Variants in ARHGEF7 observed in about 807,000 individuals in gnomAD.
ARHGEF7 encodes Rho guanine nucleotide exchange factor 7.
Under a neutral mutation model 109.8 loss-of-function variants are expected in ARHGEF7, and 33 were observed. That is an observed-to-expected ratio of 0.30 (90% confidence interval 0.23 to 0.40). The LOEUF is 0.40. Ranked by LOEUF, ARHGEF7 falls within the 10% of genes least tolerant of loss-of-function variation. ARHGEF7 has a pLI of 1.00. For synonymous variants in ARHGEF7, 458 were observed against 424.6 expected (o/e 1.08, Z -0.97); for missense variants, 938 against 1,098.5 (o/e 0.85, Z 2.07).
intron 1 of ARHGEF7, among the ~76,000 whole-genome samples, chr13:111,119,632 G>C (rs1051405770): frequency 4.6e-5 from 7 of 152,178 alleles, no homozygotes; most frequent in Non-Finnish European, 5.9e-5. Context: ...TAAGAATATG[G>C]TTTGCATTTC....
At chr13:111,168,242 G>A (rs560390568) in intron 2 of ARHGEF7, among the ~76,000 whole-genome samples, 2 of 144,932 alleles carry the variant, frequency 1.4e-5, no homozygotes, top group South Asian at 2.1e-4. Context: ...CCGCTCTCCC[G>A]CTTGGTCTCA....
chr13:111,293,245 C>G, intron 19 of ARHGEF7: 3 of 985,308 alleles, frequency 3.0e-6, no homozygotes, highest in Non-Finnish European at 3.6e-6. Flanking sequence ...CTTCAGTTCC[C>G]CCGGCTCCCC....
In ARHGEF7 at chr13:111,192,540, TGAG is replaced by T. The variant is rs1247226271; in HGVS notation, c.253-12745_253-12743del. ...TTCATATGGACTGAGCCCCATTTTG[TGAG>T]GAGAATTTTGGATTCTCAACAAGGC... On this transcript the variant is annotated intron_variant, in intron 2 of 21. Transcript: ENST00000646102. 2.0e-5 allele frequency among the ~76,000 whole-genome samples: 3 copies of T among 152,226 alleles called. No individual in the cohort carries two copies. In the South Asian group the frequency reaches 6.2e-4, roughly 31 times the overall value.
intron 2 of ARHGEF7, among the ~76,000 whole-genome samples, chr13:111,189,272 C>T (rs546832566): frequency 8.5e-5 from 13 of 152,150 alleles, no homozygotes; most frequent in Non-Finnish European, 1.8e-4. Context: ...AGAATGAAGC[C>T]GCAGACCCTC....
chr13:111,115,353 C>G lies in ARHGEF7; in HGVS notation c.-174C>G. The G allele has an allele frequency of 1.1e-5, 3 of 261,466 alleles. No individual in the cohort carries two copies. Among genetic ancestry groups the G allele is most frequent in the Non-Finnish European group, 1.8e-5 (3 of 171,172 alleles). The allele number at this position is 261,466 out of a possible 1,614,324, so 16.2% of individuals were successfully genotyped here. On this transcript the variant is annotated 5_prime_UTR_variant, in exon 1 of 22. Transcript: ENST00000646102. ...CCTGAGAAGGCGCCTGACAGCGGGC[C>G]GGGGCGCACGGAGAAGCGGGCCGGG...
At chr13:111,128,326 G>T (rs1212729306) in intron 1 of ARHGEF7, among the ~76,000 whole-genome samples, 1 of 152,168 alleles carries the variant, frequency 6.6e-6, no homozygotes, top group Non-Finnish European at 1.5e-5. Flanking sequence ...CTACAAAATA[G>T]CTACTAGAAC....
At chr13:111,177,290 C>T (rs532456327) in intron 2 of ARHGEF7, among the ~76,000 whole-genome samples, 3 of 152,206 alleles carry the variant, frequency 2.0e-5, no homozygotes, top group Non-Finnish European at 4.4e-5. Flanking sequence ...TCTGTGCCTG[C>T]GTGCATATTG....
At chr13:111,137,504 C>T (rs1451751358) in intron 1 of ARHGEF7, among the ~76,000 whole-genome samples, 2 of 152,222 alleles carry the variant, frequency 1.3e-5, no homozygotes, top group Non-Finnish European at 2.9e-5. Context: ...AACAAGTTTC[C>T]TAACTAGTAC....
intron 2 of ARHGEF7, among the ~76,000 whole-genome samples, chr13:111,168,918 GT>G (rs1566690513): frequency 1.3e-5 from 2 of 152,202 alleles, no homozygotes; most frequent in Non-Finnish European, 2.9e-5. Context: ...TCTATAATAT[GT>G]TCTTTGATGC....
chr13:111,269,965 G>T (rs1490319932), intron 9 of ARHGEF7, among the ~76,000 whole-genome samples: 1 of 152,178 alleles, frequency 6.6e-6, no homozygotes, highest in Non-Finnish European at 1.5e-5. Flanking sequence ...ATCTGCTCAT[G>T]CTGTGGAGTA....
Position 111,280,631 on chromosome 13 carries a change from C to T in ARHGEF7, c.1679C>T (p.Ser560Phe), listed in dbSNP as rs866417278. Residue 560 changes from serine (S) to phenylalanine (F), a missense_variant, in exon 15 of 22, where the codon TCT becomes TTT. Physicochemically the swap from Ser to Phe is radical, Grantham distance 155 (BLOSUM62 -2). This residue lies in a region of ARHGEF7 where 585 missense variants were observed against 723.6 expected (regional missense o/e 0.81). Coordinates refer to ENST00000646102, the MANE Select transcript of ARHGEF7 (RefSeq NM_001354046.2). ...CTACAGAAGCAAACGAAGGTCACGT[C>T]TGTGGGAAACCCCACCATAAAGCCT... ...EHLQKQTKVT[S>F]VGNPTIKPHS... The T allele has an allele frequency of 6.2e-7, 1 of 1,611,340 alleles. No individual in the cohort carries two copies. Among genetic ancestry groups the T allele is most frequent in the South Asian group, 1.1e-5 (1 of 90,470 alleles).
Position 111,294,979 on chromosome 13 carries a change from A to G in ARHGEF7, c.2311+2685A>G, listed in dbSNP as rs1336520180. On this transcript the variant is annotated intron_variant, in intron 19 of 21. Transcript: ENST00000646102. ...TATAGTGGTATAAGATCTTGAAAAA[A>G]ATCTCTATAATTGTGCTCTTTATCT... is the stretch of plus-strand genomic sequence containing the variant. 3 of 985,678 alleles carry G rather than the reference A, an allele frequency of 3.0e-6. No individual in the cohort carries two copies. In the Admixed American group the frequency reaches 1.8e-4, roughly 61 times the overall value. 61.1% of individuals were successfully genotyped at this position (985,678 alleles called of 1,614,324 possible).
chr13:111,158,436 T>C (rs970741418), intron 2 of ARHGEF7, among the ~76,000 whole-genome samples: 4 of 152,282 alleles, frequency 2.6e-5, no homozygotes, highest in Admixed American at 2.6e-4. Flanking sequence ...ATGATAGGGA[T>C]GGTAACCCTA....
chr13:111,185,859 C>T (rs2079191485), intron 2 of ARHGEF7, among the ~76,000 whole-genome samples: 1 of 151,996 alleles, frequency 6.6e-6, no homozygotes, highest in African/African-American at 2.4e-5. Context: ...TCTCTGGTGT[C>T]CTTTCCTGGC....
chr13:111,187,180 T>C (rs1233937896), intron 2 of ARHGEF7, among the ~76,000 whole-genome samples: 4 of 152,322 alleles, frequency 2.6e-5, no homozygotes, highest in African/African-American at 9.6e-5. Flanking sequence ...TCTAAATTAT[T>C]AATACATGTT....
At chr13:111,179,344 G>A (rs930292694) in intron 2 of ARHGEF7, among the ~76,000 whole-genome samples, 3 of 151,990 alleles carry the variant, frequency 2.0e-5, no homozygotes, top group East Asian at 1.9e-4. Flanking sequence ...TTGGCCACCC[G>A]AAGTGCTGGG....
At chr13:111,199,385 G>T (rs1566793747) in intron 2 of ARHGEF7, among the ~76,000 whole-genome samples, 1 of 152,158 alleles carries the variant, frequency 6.6e-6, no homozygotes. Context: ...TACTCTTTTT[G>T]ATTGAAGCTG....
At chr13:111,204,816 T>C (rs2081591448) in intron 2 of ARHGEF7, among the ~76,000 whole-genome samples, 1 of 152,208 alleles carries the variant, frequency 6.6e-6, no homozygotes, top group Non-Finnish European at 1.5e-5. Flanking sequence ...TCCACTCTGC[T>C]CTCTGATGTC....
chr13:111,280,802 C>G, intron 15 of ARHGEF7, 125 bp downstream of exon 15: 1 of 1,103,052 alleles, frequency 9.1e-7, no homozygotes, highest in South Asian at 1.7e-5. Flanking sequence ...AAAACACTTG[C>G]TTCACATTTC....
Sources: allele counts gnomAD v4.1 joint callset (sites outside exome capture counted in the v4.1 genomes callset), GRCh38; gene constraint gnomAD v4.1.1; regional missense constraint gnomAD v4.1.1; transcripts MANE v1.5; gene names NCBI Gene and HGNC (gene_info 2026-07-23, HGNC 2026-07-21).